The following OSBPL10 variants were observed in gnomAD, a reference collection of about 807,000 sequenced individuals.
OSBPL10 encodes the protein oxysterol-binding protein-related protein 10.
In OSBPL10, 49 loss-of-function variants were observed where a neutral mutation model predicts 81.7. The observed-to-expected ratio is 0.60, with a 90% CI of 0.48 to 0.76. The LOEUF (loss-of-function observed/expected upper bound fraction) is 0.76, where lower values mean the gene tolerates loss of function less well. Among genes scored for constraint, OSBPL10 ranks in the 30% least tolerant of loss-of-function variants. OSBPL10 has a pLI of 0.00. For synonymous variants in OSBPL10, 419 were observed against 383.6 expected (o/e 1.09, Z -1.08); for missense variants, 923 against 987.8 (o/e 0.93, Z 0.88).
chr3:31,869,987 G>A (rs965905950), intron 3 of OSBPL10, among the ~76,000 whole-genome samples: 11 of 152,214 alleles, frequency 7.2e-5, no homozygotes, highest in East Asian at 1.9e-4. Context: ...GCCTGCTCTC[G>A]GCACCTCCTC....
intron 1 of OSBPL10, among the ~76,000 whole-genome samples, chr3:31,932,048 A>G (rs989287017): frequency 3.9e-5 from 6 of 152,196 alleles, no homozygotes; most frequent in Non-Finnish European, 8.8e-5. Flanking sequence ...TCTCAAAAAT[A>G]AACAAATAAA....
chr3:31,766,337 G>GTTTTTTTT (rs1259127969), intron 4 of OSBPL10, among the ~76,000 whole-genome samples: 41 of 26,820 alleles, frequency 1.5e-3, no homozygotes, highest in African/African-American at 2.4e-3. Flanking sequence ...TTGTTTTTTT[G>GTTTTTTTT]TTTTTTTTTG....
intron 2 of OSBPL10, among the ~76,000 whole-genome samples, chr3:32,044,935 G>C (rs1699609149): frequency 1.3e-5 from 2 of 152,060 alleles, no homozygotes; most frequent in South Asian, 4.1e-4. Context: ...CTTGATTTTT[G>C]AGGGCAAACT....
intron 3 of OSBPL10, among the ~76,000 whole-genome samples, chr3:31,848,548 T>C (rs1453780827): frequency 6.6e-6 from 1 of 152,022 alleles, no homozygotes; most frequent in East Asian, 1.9e-4. Context: ...AGTAACCAGG[T>C]TAAAGAATAA....
chr3:31,877,830 A>C (rs1213592988), intron 2 of OSBPL10, among the ~76,000 whole-genome samples: 4 of 152,220 alleles, frequency 2.6e-5, no homozygotes, highest in Non-Finnish European at 4.4e-5. Context: ...TGAACTTCCA[A>C]AGACAAAGGA....
At chr3:31,713,465 T>C (rs9840293) in intron 6 of OSBPL10, among the ~76,000 whole-genome samples, 82,997 of 151,840 alleles carry the variant, frequency 0.55, 25,550 homozygotes, top group African/African-American at 0.83. Context: ...GGTGTGATCT[T>C]GGCTCACTGC....
At chr3:31,706,418 C>T in intron 6 of OSBPL10, among the ~76,000 whole-genome samples, 1 of 152,182 alleles carries the variant, frequency 6.6e-6, no homozygotes, top group East Asian at 1.9e-4. Flanking sequence ...CCTCCAGCCT[C>T]TTGAGGACCA....
chr3:31,841,034 C>T (rs1407256757), intron 3 of OSBPL10, among the ~76,000 whole-genome samples: 2 of 152,160 alleles, frequency 1.3e-5, no homozygotes, highest in Non-Finnish European at 2.9e-5. Context: ...TCAGCCTCCC[C>T]TGTAGCTGGG....
intron 4 of OSBPL10, among the ~76,000 whole-genome samples, chr3:31,774,540 T>TC (rs1698493662): frequency 7.6e-6 from 1 of 131,312 alleles, no homozygotes; most frequent in South Asian, 2.5e-4. Flanking sequence ...TTTGAGACAG[T>TC]CTTGCTCTGT....
chr3:31,852,312 G>GGAA (rs897957049), intron 3 of OSBPL10, among the ~76,000 whole-genome samples: 17 of 152,162 alleles, frequency 1.1e-4, no homozygotes, highest in Non-Finnish European at 2.4e-4. Flanking sequence ...GGGGGTCGGG[G>GGAA]GGAAGGAGGT....
intron 7 of OSBPL10, among the ~76,000 whole-genome samples, chr3:31,694,667 T>C (rs1264727919): frequency 1.3e-5 from 2 of 152,200 alleles, no homozygotes; most frequent in Non-Finnish European, 2.9e-5. Context: ...ATTTCTTTCT[T>C]TGATTAGTAA....
At chr3:31,757,732 T>C (rs1358281038) in intron 4 of OSBPL10, among the ~76,000 whole-genome samples, 1 of 152,202 alleles carries the variant, frequency 6.6e-6, no homozygotes, top group Admixed American at 6.5e-5. Flanking sequence ...TCTCTATCAG[T>C]TTTTCTCATG....
chr3:31,952,212 C>T (rs569431300), intron 1 of OSBPL10, among the ~76,000 whole-genome samples: 1 of 151,704 alleles, frequency 6.6e-6, no homozygotes, highest in Admixed American at 6.5e-5. Context: ...AAAGCCATGC[C>T]TTAGTACACA....
chr3:31,684,203 C>T (rs991926450), intron 7 of OSBPL10, 89 bp from the exon 8 acceptor site: 2 of 1,508,902 alleles, frequency 1.3e-6, no homozygotes, highest in Non-Finnish European at 1.8e-6. Flanking sequence ...CACTGTTAAG[C>T]AAATTCATAA....
chr3:31,756,067 A>C (rs557940033), intron 4 of OSBPL10, among the ~76,000 whole-genome samples: 1 of 152,288 alleles, frequency 6.6e-6, no homozygotes, highest in East Asian at 1.9e-4. Flanking sequence ...TCATAACACA[A>C]CTTATCGTAC....
In OSBPL10 at chr3:31,664,174, C is replaced by T. The variant is rs768564670; in HGVS notation, c.2155G>A (p.Glu719Lys). The T allele has an allele frequency of 9.9e-6, 16 of 1,613,418 alleles. No individual in the cohort carries two copies. In the East Asian group the frequency reaches 1.1e-4, roughly 11 times the overall value. ...TTCTCCTCCAGGTGCCGCTTCTGCTCGGTGGCTGCGTCAATGTCCCCCAGC... is the reference window on the plus strand; with the variant it reads ...TTCTCCTCCAGGTGCCGCTTCTGCTTGGTGGCTGCGTCAATGTCCCCCAGC... ...LRLGDIDAATEQKRHLEEKQR... is the reference protein window; with the variant it reads ...LRLGDIDAATKQKRHLEEKQR... Residue 719 changes from glutamate to lysine, a missense_variant, in exon 11 of 12, where the codon GAG becomes AAG. Physicochemically the swap from Glu to Lys is moderately conservative, Grantham distance 56. Coordinates refer to ENST00000396556, the MANE Select transcript of OSBPL10 (RefSeq NM_017784.5).
At chr3:31,981,441 G>T (rs1698841628), upstream of OSBPL10, 2 of 469,452 alleles carry the variant, frequency 4.3e-6, no homozygotes, top group Non-Finnish European at 6.8e-6. This position sits in a 1 kb window ranked among gnomAD's most constrained non-coding sequence, Gnocchi z 4.5. Flanking sequence ...AGTTTCCCGG[G>T]CAAGTTCGGA....
At chr3:31,728,477 T>C (rs945987539) in intron 6 of OSBPL10, among the ~76,000 whole-genome samples, 5 of 152,242 alleles carry the variant, frequency 3.3e-5, no homozygotes, top group African/African-American at 1.2e-4. Context: ...CTTTCCATTT[T>C]ACCCATAAAA....
At chr3:31,966,015 C>A (rs1011987669) in intron 1 of OSBPL10, among the ~76,000 whole-genome samples, 1 of 126,830 alleles carries the variant, frequency 7.9e-6, no homozygotes, top group African/African-American at 3.0e-5. Flanking sequence ...TATATATAGG[C>A]CAGGCTCAGT....
Sources: allele counts gnomAD v4.1 joint callset (sites outside exome capture counted in the v4.1 genomes callset), GRCh38; gene constraint gnomAD v4.1.1; non-coding constraint Gnocchi (gnomAD v3.1); transcripts MANE v1.5; gene names NCBI Gene and HGNC (gene_info 2026-07-23, HGNC 2026-07-21).